Variants in ELOVL6 observed in about 807,000 individuals in gnomAD.
The protein encoded by ELOVL6 is ELOVL fatty acid elongase 6.
Under a neutral mutation model 31.7 loss-of-function variants are expected in ELOVL6, and 8 were observed. The observed-to-expected ratio is 0.25, with a 90% CI of 0.15 to 0.45. ELOVL6 has a LOEUF of 0.45. Ranked by LOEUF, ELOVL6 falls within the 20% of genes least tolerant of loss-of-function variation. ELOVL6 has a pLI of 1.00. For missense variants in ELOVL6, 126 were observed against 326.4 expected, an observed-to-expected ratio of 0.39 and a Z score of 4.73; for synonymous variants, 101 against 117.7, an observed-to-expected ratio of 0.86 and a Z score of 0.92.
chr4:110,059,622 T>C lies in ELOVL6; in HGVS notation c.354A>G (p.Leu118=), dbSNP rs1320006253. 1 of 1,613,908 alleles carries C rather than the reference T, an allele frequency of 6.2e-7. No homozygotes were observed. The highest frequency in any genetic ancestry group is 1.7e-5 in the Admixed American group (1 of 59,980). Residue 118 remains leucine, a synonymous_variant, in exon 3 of 4, where the codon CTA becomes CTG. Coordinates refer to ENST00000302274, the MANE Select transcript of ELOVL6 (RefSeq NM_024090.3). ...VSKFWAYAFV[L]SKAPELGDTI... ...ACTCACCTAGTTCGGGTGCTTTGCT[T>C]AGCACAAATGCATAAGCCCAGAATT...
intron 2 of ELOVL6, among the ~76,000 whole-genome samples, chr4:110,084,312 A>T (rs1344055782): frequency 2.6e-5 from 2 of 78,064 alleles, no homozygotes; most frequent in South Asian, 4.0e-4. Context: ...ATAACATATA[A>T]CATATATAAA....
chr4:110,131,813 T>C (rs1274272461), intron 1 of ELOVL6, among the ~76,000 whole-genome samples: 4 of 152,072 alleles, frequency 2.6e-5, no homozygotes, highest in Non-Finnish European at 4.4e-5. Context: ...AAATTGCTCA[T>C]CATCTAGTGA....
At chr4:110,057,328 TA>T (rs150253360) in intron 3 of ELOVL6, among the ~76,000 whole-genome samples, 9,593 of 149,804 alleles carry the variant, frequency 0.064, 979 homozygotes, top group African/African-American at 0.22. Context: ...TATTTCTTAT[TA>T]AAAAAAAAAT....
In ELOVL6 at chr4:110,049,533, G is replaced by A. The variant is rs979794733; in HGVS notation, c.*1805C>T. On this transcript the variant is annotated 3_prime_UTR_variant, in exon 4 of 4. Transcript: ENST00000302274. Reference sequence around the variant, plus strand: ...AGCTAAAATAATATAAAAATAATTCGAAAAAATCCCTTTTACTGTACACTC... The same window carrying A: ...AGCTAAAATAATATAAAAATAATTCAAAAAAATCCCTTTTACTGTACACTC... The A allele has an allele frequency of 2.6e-5, 4 of 152,220 alleles. No individual in the cohort carries two copies. The highest frequency in any genetic ancestry group is 1.9e-4 in the East Asian group (1 of 5,188). The allele number at this position is 152,220 out of a possible 1,614,324, so 9.4% of individuals were successfully genotyped here.
At chr4:110,172,015 T>A (rs1758963924) in intron 1 of ELOVL6, among the ~76,000 whole-genome samples, 1 of 152,114 alleles carries the variant, frequency 6.6e-6, no homozygotes, top group Non-Finnish European at 1.5e-5. Context: ...AATAAACTAA[T>A]ACATGTGTTT....
intron 2 of ELOVL6, among the ~76,000 whole-genome samples, chr4:110,082,765 A>G (rs901420889): frequency 2.6e-5 from 4 of 152,110 alleles, no homozygotes; most frequent in Non-Finnish European, 5.9e-5. Flanking sequence ...ATAAAAAATC[A>G]CCTAGCAACA....
intron 3 of ELOVL6, among the ~76,000 whole-genome samples, chr4:110,054,911 T>C (rs1754937115): frequency 6.6e-6 from 1 of 152,076 alleles, no homozygotes. Context: ...TTAAATTTGC[T>C]TAGGAGTTTT....
At chr4:110,092,348 C>T (rs1208261441) in intron 2 of ELOVL6, among the ~76,000 whole-genome samples, 1 of 152,116 alleles carries the variant, frequency 6.6e-6, no homozygotes, top group Non-Finnish European at 1.5e-5. Flanking sequence ...AGGCCGAGGT[C>T]ATAAGAGGCC....
At position 110,046,843 on chromosome 4, in the gene ELOVL6, T is replaced by C. The variant is rs887023133; in HGVS notation, c.*4495A>G. 6.6e-6 allele frequency: 1 copy of C among 152,186 alleles called. No individual in the cohort carries two copies. Among genetic ancestry groups the C allele is most frequent in the Non-Finnish European group, 1.5e-5 (1 of 68,028 alleles). 9.4% of individuals were successfully genotyped at this position (152,186 alleles called of 1,614,324 possible). A position where few individuals can be genotyped will look rare whatever the true frequency, so the allele number is the denominator to read the frequency against. On this transcript the variant is annotated 3_prime_UTR_variant, in exon 4 of 4. Transcript: ENST00000302274. The stretch of plus-strand genomic sequence containing the variant: ...CTTCATACTGATTGTCGGAACAAAA[T>C]AGAGCATTGTGATTTCATCAGCTCT...
At chr4:110,066,985 G>A (rs939890162) in intron 2 of ELOVL6, among the ~76,000 whole-genome samples, 1 of 151,874 alleles carries the variant, frequency 6.6e-6, no homozygotes, top group African/African-American at 2.4e-5. Context: ...TTCTCATTGA[G>A]AACAGGCATC....
intron 2 of ELOVL6, among the ~76,000 whole-genome samples, chr4:110,079,540 A>G (rs2126230849): frequency 6.6e-6 from 1 of 152,178 alleles, no homozygotes; most frequent in African/African-American, 2.4e-5. Flanking sequence ...CTTTGAAACC[A>G]ACGAGAACAA....
intron 1 of ELOVL6, among the ~76,000 whole-genome samples, chr4:110,179,589 GA>G (rs1759213243): frequency 6.6e-6 from 1 of 152,076 alleles, no homozygotes; most frequent in African/African-American, 2.4e-5. Context: ...ATTTTCACAT[GA>G]AAAAATACAA....
At chr4:110,086,867 C>T (rs894559717) in intron 2 of ELOVL6, among the ~76,000 whole-genome samples, 9 of 152,100 alleles carry the variant, frequency 5.9e-5, no homozygotes, top group South Asian at 4.2e-4. Flanking sequence ...AAAACTGATC[C>T]GGAATTAGGA....
chr4:110,064,029 G>C (rs1328868237), intron 2 of ELOVL6, among the ~76,000 whole-genome samples: 1 of 145,752 alleles, frequency 6.9e-6, no homozygotes. Context: ...AGTGAGCTGA[G>C]ATCGCGCCAT....
At chr4:110,111,832 T>G (rs1757043497) in intron 1 of ELOVL6, among the ~76,000 whole-genome samples, 2 of 152,130 alleles carry the variant, frequency 1.3e-5, no homozygotes, top group Non-Finnish European at 2.9e-5. Context: ...AAAGCCTGTT[T>G]GGAGATGCGG....
upstream of ELOVL6, chr4:110,198,749 T>C (rs1433470475): frequency 2.4e-5 from 4 of 169,942 alleles, no homozygotes; most frequent in Admixed American, 5.7e-5. Context: ...GGGGGGACAG[T>C]TTTGTTTACA....
Position 110,050,608 on chromosome 4 carries a change from G to T in ELOVL6, c.*730C>A, listed in dbSNP as rs1754814188. On this transcript the variant is annotated 3_prime_UTR_variant, in exon 4 of 4. Transcript: ENST00000302274. ...GCTCTGGGATGGAGCTGCCCCCATG[G>T]GACCTGGGCTGCACTGTTTCCATCC... 6.6e-6 allele frequency: 1 copy of T among 152,540 alleles called. No individual in the cohort carries two copies. 9.4% of individuals were successfully genotyped at this position (152,540 alleles called of 1,614,324 possible).
At chr4:110,084,118 ATAACATATATGTGAT>A (rs1756042364) in intron 2 of ELOVL6, among the ~76,000 whole-genome samples, 1 of 92,068 alleles carries the variant, frequency 1.1e-5, no homozygotes, top group Non-Finnish European at 1.9e-5. Flanking sequence ...TATGATATAT[ATAACATATATGTGAT>A]AATGATATAT....
intron 1 of ELOVL6, among the ~76,000 whole-genome samples, chr4:110,119,764 A>T (rs1382631746): frequency 6.6e-6 from 1 of 152,188 alleles, no homozygotes; most frequent in Non-Finnish European, 1.5e-5. Flanking sequence ...AAATCTCAAG[A>T]TCCCTCAGAA....
Sources: gnomAD v4.1 joint callset for allele counts (sites outside exome capture counted in the v4.1 genomes callset) on GRCh38, gnomAD v4.1.1 for gene constraint, MANE v1.5 for transcripts, NCBI Gene and HGNC (gene_info 2026-07-23, HGNC 2026-07-21) for gene names.